Variants in GRIN2B observed in about 807,000 individuals in gnomAD.
The protein encoded by GRIN2B is glutamate ionotropic receptor NMDA type subunit 2B, also known as glutamate receptor ionotropic, NMDA 2B.
Under a neutral mutation model 114.5 loss-of-function variants are expected in GRIN2B, and 5 were observed. That is an observed-to-expected ratio of 0.04 (90% CI 0.02 to 0.09). GRIN2B has a LOEUF of 0.09. GRIN2B is among the 10% of genes least tolerant of loss of function. GRIN2B has a pLI of 1.00. For synonymous variants in GRIN2B, 787 were observed against 745.1 expected (o/e 1.06, Z -0.92); for missense variants, 1,108 against 1,943.5 (o/e 0.57, Z 8.08).
At chr12:13,719,050 A>G (rs1950484799) in intron 4 of GRIN2B, among the ~76,000 whole-genome samples, 1 of 151,996 alleles carries the variant, frequency 6.6e-6, no homozygotes, top group South Asian at 2.1e-4. Flanking sequence ...CTGTTGTCAC[A>G]AGAATTCTCC....
chr12:13,563,066 A>G lies in GRIN2B; in HGVS notation c.4172T>C (p.Phe1391Ser), dbSNP rs1948570623. 6.2e-7 allele frequency: 1 copy of G among 1,614,108 alleles called. No individual in the cohort carries two copies. ...ATGGAGCAAGCACTGGTCGTCCCCA[A>G]AAGTGGGGATGAAAGGGTTTTGCGT... ...RVTQNPFIPT[F>S]GDDQCLLHGS... The change falls in exon 14 of 14, where the codon TTT (phenylalanine) becomes TCT (serine). Residue 1391 changes from phenylalanine to serine, a missense_variant. By Grantham distance (155) the Phe-to-Ser change is radical. Around this residue, in one of 19 missense-constraint regions of GRIN2B, gnomAD observed 478 missense variants for 506.0 expected, o/e 0.94. Coordinates refer to ENST00000609686, the MANE Select transcript of GRIN2B (RefSeq NM_000834.5).
chr12:13,843,745 CA>C (rs1865426432), intron 3 of GRIN2B, among the ~76,000 whole-genome samples: 1 of 152,164 alleles, frequency 6.6e-6, no homozygotes, highest in Admixed American at 6.5e-5. Flanking sequence ...GCAAATCTAT[CA>C]AGATCCCATC....
chr12:13,956,220 A>G (rs1591640003), intron 2 of GRIN2B, among the ~76,000 whole-genome samples: 2 of 152,198 alleles, frequency 1.3e-5, no homozygotes, highest in East Asian at 3.9e-4. Context: ...CTGGAGCAGA[A>G]AGAGGAGGAA....
At chr12:13,874,269 G>A (rs1484518858) in intron 2 of GRIN2B, among the ~76,000 whole-genome samples, 1 of 152,174 alleles carries the variant, frequency 6.6e-6, no homozygotes. Flanking sequence ...CTCAAGCCAG[G>A]TTTTTCTATC....
At chr12:13,766,338 G>A (rs774645975) in intron 3 of GRIN2B, among the ~76,000 whole-genome samples, 4 of 152,162 alleles carry the variant, frequency 2.6e-5, no homozygotes, top group African/African-American at 7.2e-5. Context: ...CACTATGTCT[G>A]GACAACTCTG....
At chr12:13,720,938 A>G (rs1008178522) in intron 4 of GRIN2B, among the ~76,000 whole-genome samples, 1 of 152,086 alleles carries the variant, frequency 6.6e-6, no homozygotes, top group Admixed American at 6.6e-5. Context: ...CTAAAGGGAG[A>G]GAGAGATAAT....
chr12:13,680,705 C>G (rs538424140), intron 4 of GRIN2B, among the ~76,000 whole-genome samples: 2 of 152,152 alleles, frequency 1.3e-5, no homozygotes, highest in South Asian at 2.1e-4. Context: ...AGGACTGGAG[C>G]TTAAGTCTTC....
chr12:13,605,778 T>C lies in GRIN2B; in HGVS notation c.2010+2825A>G, dbSNP rs554676463. ...TAGTTCAAACAGAAAAACATTCAGT[T>C]GTTACTGCGTGGCCCATGAGGGTAA... On this transcript the variant is annotated intron_variant, in intron 10 of 13. Transcript: ENST00000609686. Among the ~76,000 whole-genome samples, 4 of 152,256 alleles carry C rather than the reference T, an allele frequency of 2.6e-5. No homozygotes were observed. In the South Asian group the frequency reaches 8.3e-4, roughly 32 times the overall value.
Position 13,547,981 on chromosome 12 carries a change from A to ATATATATATATATATATTTTT in GRIN2B, c.*14801_*14802insAAAAATATATATATATATATA. On this transcript the variant is annotated 3_prime_UTR_variant, in exon 14 of 14. Coordinates refer to ENST00000609686, the MANE Select transcript of GRIN2B (RefSeq NM_000834.5). ...TGTGTATATATATATATATATATAT[A>ATATATATATATATATATTTTT]TTTTTTTTTTTTTTCTGAAAGCTAC... 2.9e-5 allele frequency: 2 copies of ATATATATATATATATATTTTT among 68,578 alleles called. No individual in the cohort carries two copies. Among genetic ancestry groups the ATATATATATATATATATTTTT allele is most frequent in the Non-Finnish European group, 5.8e-5 (2 of 34,410 alleles). The allele number at this position is 68,578 out of a possible 1,614,324, so 4.2% of individuals were successfully genotyped here. A position where few individuals can be genotyped will look rare whatever the true frequency, so the allele number is the denominator to read the frequency against.
At chr12:13,779,427 T>C (rs1401292166) in intron 3 of GRIN2B, among the ~76,000 whole-genome samples, 1 of 152,168 alleles carries the variant, frequency 6.6e-6, no homozygotes. Flanking sequence ...AGAATTAAGC[T>C]CTAGAATGGC....
intron 3 of GRIN2B, among the ~76,000 whole-genome samples, chr12:13,776,091 C>T (rs1386522510): frequency 6.6e-6 from 1 of 152,172 alleles, no homozygotes; most frequent in East Asian, 1.9e-4. Flanking sequence ...GGATACTATG[C>T]AGCCATGAAA....
chr12:13,855,374 C>T (rs1865643219), intron 3 of GRIN2B, among the ~76,000 whole-genome samples: 1 of 152,172 alleles, frequency 6.6e-6, no homozygotes, highest in Non-Finnish European at 1.5e-5. Context: ...AACCAGGAAA[C>T]AGCAAGGCAG....
chr12:13,975,713 T>C (rs1863007782), intron 2 of GRIN2B, among the ~76,000 whole-genome samples: 1 of 152,228 alleles, frequency 6.6e-6, no homozygotes, highest in African/African-American at 2.4e-5. Context: ...TAAGTACAAA[T>C]GATTCTAAGA....
intron 6 of GRIN2B, 63 bp downstream of exon 6, chr12:13,616,392 G>A (rs1463085957): frequency 8.4e-7 from 1 of 1,190,808 alleles, no homozygotes; most frequent in Non-Finnish European, 1.3e-6. Context: ...CCAGCCAAGT[G>A]CTAACAGGTG....
chr12:13,671,704 G>C (rs1184111470), intron 5 of GRIN2B, among the ~76,000 whole-genome samples: 1 of 152,130 alleles, frequency 6.6e-6, no homozygotes, highest in Non-Finnish European at 1.5e-5. Flanking sequence ...GAGATTTTCA[G>C]GGTAGAAGTG....
At chr12:13,972,939 G>A (rs529899326) in intron 2 of GRIN2B, among the ~76,000 whole-genome samples, 60 of 152,302 alleles carry the variant, frequency 3.9e-4, no homozygotes, top group African/African-American at 1.4e-3. Flanking sequence ...TGTGTGGGGG[G>A]TGTGTGGATT....
At position 13,556,925 on chromosome 12, in the gene GRIN2B, C is replaced by T. The variant is rs1948484837; in HGVS notation, c.*5858G>A. ...CCAGTACTGCTATTCTAACCCATTACTCTGAACAAAATTCTTTTTTCTTGC... is the reference window on the plus strand; with the variant it reads ...CCAGTACTGCTATTCTAACCCATTATTCTGAACAAAATTCTTTTTTCTTGC... On this transcript the variant is annotated 3_prime_UTR_variant, in exon 14 of 14. Coordinates refer to ENST00000609686, the MANE Select transcript of GRIN2B (RefSeq NM_000834.5). 1 of 152,198 alleles carries T rather than the reference C, an allele frequency of 6.6e-6. No individual in the cohort carries two copies. Among genetic ancestry groups the T allele is most frequent in the Non-Finnish European group, 1.5e-5 (1 of 68,036 alleles). 9.4% of individuals were successfully genotyped at this position (152,198 alleles called of 1,614,324 possible).
intron 3 of GRIN2B, among the ~76,000 whole-genome samples, chr12:13,786,526 A>G (rs1864224136): frequency 6.6e-6 from 1 of 152,214 alleles, no homozygotes; most frequent in East Asian, 1.9e-4. Context: ...CAACCAAGGC[A>G]GTCCTGAGTC....
chr12:13,733,989 T>A (rs1445231793), intron 4 of GRIN2B, among the ~76,000 whole-genome samples: 4 of 152,152 alleles, frequency 2.6e-5, no homozygotes, highest in Admixed American at 2.0e-4. Flanking sequence ...CCATGCTCTC[T>A]TGCTTCTTGC....
Sources: allele counts gnomAD v4.1 joint callset (sites outside exome capture counted in the v4.1 genomes callset), GRCh38; gene constraint gnomAD v4.1.1; regional missense constraint gnomAD v4.1.1; transcripts MANE v1.5; gene names NCBI Gene and HGNC (gene_info 2026-07-23, HGNC 2026-07-21).